Variants in ATG10 observed in about 807,000 individuals in gnomAD.
ATG10 encodes the protein ubiquitin-like-conjugating enzyme ATG10.
In ATG10, 30 loss-of-function variants were observed where a neutral mutation model predicts 32.1. The observed-to-expected ratio is 0.94, with a 90% CI of 0.70 to 1.27. The LOEUF (loss-of-function observed/expected upper bound fraction) is 1.27. ATG10 is among the 50% of genes most tolerant of loss of function. The pLI, the probability that ATG10 is intolerant of heterozygous loss-of-function variation, is 0.00. For synonymous variants in ATG10, 87 were observed against 91.5 expected, an observed-to-expected ratio of 0.95 and a Z score of 0.28; for missense variants, 233 against 262.3, an observed-to-expected ratio of 0.89 and a Z score of 0.77.
intron 3 of ATG10, among the ~76,000 whole-genome samples, chr5:82,109,810 A>T (rs917535684): frequency 2.3e-4 from 34 of 150,418 alleles, no homozygotes; most frequent in East Asian, 1.6e-3. Context: ...ATATATATAT[A>T]TTTTTATTAT....
At chr5:82,036,207 A>G (rs1282804978) in intron 2 of ATG10, among the ~76,000 whole-genome samples, 1 of 152,132 alleles carries the variant, frequency 6.6e-6, no homozygotes, top group African/African-American at 2.4e-5. Context: ...AATTTATCAT[A>G]TATTAACTTC....
intron 5 of ATG10, among the ~76,000 whole-genome samples, chr5:82,179,493 G>T (rs1744153671): frequency 6.6e-6 from 1 of 152,094 alleles, no homozygotes; most frequent in South Asian, 2.1e-4. Flanking sequence ...TAATATGGTT[G>T]CAATAGTGAT....
At chr5:82,130,204 C>G (rs371551698) in intron 3 of ATG10, among the ~76,000 whole-genome samples, 1 of 152,138 alleles carries the variant, frequency 6.6e-6, no homozygotes, top group African/African-American at 2.4e-5. Flanking sequence ...CCATGAAACT[C>G]GAGCATCCCA....
At chr5:82,074,039 A>T (rs1190751282) in intron 3 of ATG10, among the ~76,000 whole-genome samples, 1 of 152,222 alleles carries the variant, frequency 6.6e-6, no homozygotes, top group Non-Finnish European at 1.5e-5. Context: ...CTATGTGTTG[A>T]CACTGAAATG....
chr5:82,056,618 C>T (rs1763609028), intron 2 of ATG10, among the ~76,000 whole-genome samples: 1 of 152,076 alleles, frequency 6.6e-6, no homozygotes, highest in Non-Finnish European at 1.5e-5. Context: ...GTGTCTATCC[C>T]TGGAGCTGTA....
chr5:82,239,790 A>C (rs945061670), intron 5 of ATG10, among the ~76,000 whole-genome samples: 1 of 152,226 alleles, frequency 6.6e-6, no homozygotes, highest in Non-Finnish European at 1.5e-5. Flanking sequence ...TAATAATCAG[A>C]ATATATAAGG....
chr5:82,166,335 C>G (rs560279067), intron 4 of ATG10, among the ~76,000 whole-genome samples: 1 of 152,184 alleles, frequency 6.6e-6, no homozygotes, highest in Non-Finnish European at 1.5e-5. Flanking sequence ...ATTCGCCCCC[C>G]ACCACCACTG....
intron 2 of ATG10, among the ~76,000 whole-genome samples, chr5:82,003,740 A>G (rs962781288): frequency 1.3e-5 from 2 of 152,262 alleles, no homozygotes; most frequent in African/African-American, 4.8e-5. Flanking sequence ...TCAAATGGAA[A>G]GAAATAAGTA....
intron 2 of ATG10, among the ~76,000 whole-genome samples, chr5:82,006,704 A>G (rs534387424): frequency 4.6e-5 from 7 of 152,324 alleles, no homozygotes; most frequent in African/African-American, 1.2e-4. Context: ...CTTTAAGTAT[A>G]CAGTACGGTA....
chr5:81,978,786 A>C (rs958907501), intron 1 of ATG10, among the ~76,000 whole-genome samples: 4 of 152,132 alleles, frequency 2.6e-5, no homozygotes, highest in Admixed American at 2.0e-4. Context: ...TCGGCCTTGC[A>C]AAGTGTACAT....
At chr5:82,026,667 T>C (rs1762602674) in intron 2 of ATG10, among the ~76,000 whole-genome samples, 1 of 152,236 alleles carries the variant, frequency 6.6e-6, no homozygotes. Context: ...TTATTATTTG[T>C]TTTTGGGAAT....
chr5:82,225,366 G>A (rs192522758), intron 5 of ATG10, among the ~76,000 whole-genome samples: 133 of 152,212 alleles, frequency 8.7e-4, no homozygotes, highest in African/African-American at 2.6e-3. Flanking sequence ...ATTTGCTTTC[G>A]ATCATTTAAG....
chr5:82,205,898 A>G (rs750070431), intron 5 of ATG10, among the ~76,000 whole-genome samples: 13 of 152,328 alleles, frequency 8.5e-5, no homozygotes, highest in Non-Finnish European at 1.8e-4. Context: ...GGAAGTTGAT[A>G]CTATTGGTAA....
chr5:82,020,245 T>G (rs1172634851), intron 2 of ATG10, among the ~76,000 whole-genome samples: 1 of 152,202 alleles, frequency 6.6e-6, no homozygotes, highest in Non-Finnish European at 1.5e-5. Flanking sequence ...ATGCTTCATT[T>G]TGAGAAGCTT....
chr5:82,009,681 A>C (rs946237988), intron 2 of ATG10: 2 of 1,583,790 alleles, frequency 1.3e-6, no homozygotes, highest in Non-Finnish European at 1.7e-6. Flanking sequence ...GACCTCCACA[A>C]TATTCATGCC....
chr5:82,101,507 C>A (rs1765273822), intron 3 of ATG10, among the ~76,000 whole-genome samples: 1 of 152,050 alleles, frequency 6.6e-6, no homozygotes, highest in African/African-American at 2.4e-5. Context: ...GCCCAGGATT[C>A]TATTATTAGG....
intron 3 of ATG10, among the ~76,000 whole-genome samples, chr5:82,111,737 A>C (rs1384359686): frequency 6.6e-6 from 1 of 151,984 alleles, no homozygotes; most frequent in African/African-American, 2.4e-5. Context: ...AAATCTTTCT[A>C]CAAATGGCCT....
intron 5 of ATG10, among the ~76,000 whole-genome samples, chr5:82,224,180 C>A (rs953219844): frequency 2.0e-5 from 3 of 152,160 alleles, no homozygotes; most frequent in African/African-American, 7.2e-5. Flanking sequence ...GAAGCCCCCA[C>A]TCTTTTCTGT....
chr5:82,212,428 A>T (rs1745529736), intron 5 of ATG10, among the ~76,000 whole-genome samples: 1 of 152,186 alleles, frequency 6.6e-6, no homozygotes, highest in Admixed American at 6.5e-5. Context: ...AAGCACCTTT[A>T]TTATCAACTA....
Sources: allele counts gnomAD v4.1 joint callset (sites outside exome capture counted in the v4.1 genomes callset), GRCh38; gene constraint gnomAD v4.1.1; transcripts MANE v1.5; gene names NCBI Gene and HGNC (gene_info 2026-07-23, HGNC 2026-07-21).